The following PECAM1 variants were observed in gnomAD, a reference collection of about 807,000 sequenced individuals.
PECAM1 encodes platelet and endothelial cell adhesion molecule 1, also known as platelet endothelial cell adhesion molecule.
Under a neutral mutation model 13.8 loss-of-function variants are expected in PECAM1, and 8 were observed. The ratio of observed to expected loss-of-function variants is 0.58; its 90% confidence interval spans 0.34 to 1.05. PECAM1 has a LOEUF of 1.05. Among genes scored for constraint, PECAM1 ranks in the 50% least tolerant of loss-of-function variants. The pLI, the probability that PECAM1 is intolerant of heterozygous loss-of-function variation, is 0.03. For missense variants in PECAM1, 304 were observed against 141.2 expected, an observed-to-expected ratio of 2.15 and a Z score of -5.84; for synonymous variants, 136 against 52.6, an observed-to-expected ratio of 2.58 and a Z score of -6.86.
intron 14 of PECAM1, among the ~76,000 whole-genome samples, chr17:64,330,439 C>T (rs1339412922): frequency 6.6e-6 from 1 of 151,974 alleles, no homozygotes; most frequent in Non-Finnish European, 1.5e-5. Flanking sequence ...GGCCAGGAGA[C>T]CAGCCTGGCC....
chr17:64,368,122 G>A (rs1027198654), intron 5 of PECAM1, among the ~76,000 whole-genome samples: 1 of 152,190 alleles, frequency 6.6e-6, no homozygotes, highest in Non-Finnish European at 1.5e-5. Flanking sequence ...AGTGCTGACT[G>A]TCTCTGTCCC....
intron 6 of PECAM1, 150 bp from the exon 7 acceptor site, chr17:64,360,565 C>T: frequency 2.8e-6 from 1 of 355,372 alleles, no homozygotes. Context: ...TTATAGGACA[C>T]CTATGAGACT....
intron 11 of PECAM1, among the ~76,000 whole-genome samples, chr17:64,351,527 C>A (rs1316088805): frequency 6.6e-6 from 1 of 151,976 alleles, no homozygotes; most frequent in East Asian, 1.9e-4. Context: ...GAGTCTGAAA[C>A]CAGCATTGGT....
intron 2 of PECAM1, among the ~76,000 whole-genome samples, chr17:64,387,967 C>G (rs1357426764): frequency 6.6e-6 from 1 of 152,158 alleles, no homozygotes; most frequent in Non-Finnish European, 1.5e-5. Context: ...TGGTTCCAGC[C>G]GCCGCCCTGC....
At chr17:64,347,802 C>T (rs1318905879) in intron 13 of PECAM1, among the ~76,000 whole-genome samples, 1 of 149,522 alleles carries the variant, frequency 6.7e-6, no homozygotes, top group Non-Finnish European at 1.5e-5. Flanking sequence ...GCAATCTCAG[C>T]TCACTGCCAC....
intron 2 of PECAM1, among the ~76,000 whole-genome samples, chr17:64,379,620 C>T (rs2036437185): frequency 6.6e-6 from 1 of 152,150 alleles, no homozygotes. Context: ...CTGTGGTTGT[C>T]TTTTCCAAGC....
intron 4 of PECAM1, among the ~76,000 whole-genome samples, chr17:64,373,674 C>T (rs2143860582): frequency 6.6e-6 from 1 of 152,060 alleles, no homozygotes; most frequent in Admixed American, 6.6e-5. Flanking sequence ...TTATATCCTG[C>T]TCTTTTGTCT....
chr17:64,384,124 T>TC (rs1325919824), intron 2 of PECAM1, among the ~76,000 whole-genome samples: 2 of 151,932 alleles, frequency 1.3e-5, no homozygotes, highest in Admixed American at 6.6e-5. Flanking sequence ...GAGCAAAAAC[T>TC]CCATCTCAGA....
intron 10 of PECAM1, among the ~76,000 whole-genome samples, chr17:64,352,685 C>T (rs1040900153): frequency 4.6e-4 from 69 of 151,498 alleles, no homozygotes; most frequent in Non-Finnish European, 1.5e-4. Flanking sequence ...GACAGAGTCT[C>T]GCTCTGTCAC....
At chr17:64,343,323 C>T (rs1241696733) in intron 13 of PECAM1, among the ~76,000 whole-genome samples, 1 of 152,048 alleles carries the variant, frequency 6.6e-6, no homozygotes, top group Non-Finnish European at 1.5e-5. Flanking sequence ...GCCCCATTTC[C>T]CCACGACCCT....
chr17:64,334,179 C>A (rs949335066), intron 14 of PECAM1, among the ~76,000 whole-genome samples: 10 of 147,018 alleles, frequency 6.8e-5, no homozygotes, highest in African/African-American at 2.7e-4. Context: ...AAAGACCAGG[C>A]AGCTCCCCCA....
At chr17:64,362,818 T>C (rs1350675266) in intron 6 of PECAM1, among the ~76,000 whole-genome samples, 1 of 146,452 alleles carries the variant, frequency 6.8e-6, no homozygotes, top group Non-Finnish European at 1.5e-5. Context: ...CACTGCACTC[T>C]AGCCTGGGCG....
intron 4 of PECAM1, among the ~76,000 whole-genome samples, chr17:64,371,691 G>A (rs1340080793): frequency 3.3e-5 from 5 of 152,146 alleles, no homozygotes; most frequent in South Asian, 4.1e-4. Context: ...TTAGCTGGGC[G>A]TGGTGGCAGC....
intron 14 of PECAM1, among the ~76,000 whole-genome samples, chr17:64,333,648 C>T (rs1318662491): frequency 6.6e-6 from 1 of 151,420 alleles, no homozygotes; most frequent in Non-Finnish European, 1.5e-5. Context: ...TGTTTTACCA[C>T]AATTTTAAGA....
intron 5 of PECAM1, among the ~76,000 whole-genome samples, chr17:64,366,943 G>A (rs1295280086): frequency 6.8e-6 from 1 of 147,866 alleles, no homozygotes; most frequent in African/African-American, 2.5e-5. Flanking sequence ...CCTGCACATT[G>A]TGCACATGTA....
chr17:64,343,431 C>T (rs2035483757), intron 13 of PECAM1, among the ~76,000 whole-genome samples: 1 of 152,140 alleles, frequency 6.6e-6, no homozygotes, highest in African/African-American at 2.4e-5. Context: ...ATGTTGGTGA[C>T]ATTTGTCCAC....
At chr17:64,367,729 G>A (rs1032415481) in intron 5 of PECAM1, among the ~76,000 whole-genome samples, 1 of 152,066 alleles carries the variant, frequency 6.6e-6, no homozygotes, top group South Asian at 2.1e-4. Flanking sequence ...TTCTTCATAG[G>A]TAAAACCGGG....
chr17:64,379,125 A>G (rs2036427163), intron 2 of PECAM1: 1 of 152,214 alleles, frequency 6.6e-6, no homozygotes, highest in African/African-American at 2.4e-5. Flanking sequence ...CCCTCTGCCA[A>G]CGGCAGGAAT....
At chr17:64,348,183 C>G (rs2035629305) in intron 13 of PECAM1, 77 bp downstream of exon 13, 2 of 464,614 alleles carry the variant, frequency 4.3e-6, no homozygotes, top group South Asian at 1.5e-4. Context: ...TCTCACTGAA[C>G]ACAGCACCCC....
Sources: allele counts gnomAD v4.1 joint callset (sites outside exome capture counted in the v4.1 genomes callset), GRCh38; gene constraint gnomAD v4.1.1; transcripts MANE v1.5; gene names NCBI Gene and HGNC (gene_info 2026-07-23, HGNC 2026-07-21).